Variants in TOP1 observed in about 807,000 individuals in gnomAD.
TOP1 encodes the protein DNA topoisomerase I, also known as DNA topoisomerase 1.
In TOP1, 10 loss-of-function variants were observed where a neutral mutation model predicts 111.1. The observed-to-expected ratio is 0.09, with a 90% CI of 0.06 to 0.15. The LOEUF (loss-of-function observed/expected upper bound fraction) is 0.15. TOP1 is among the 10% of genes least tolerant of loss of function. The pLI, the probability that TOP1 is intolerant of heterozygous loss-of-function variation, is 1.00. For missense variants in TOP1, 474 were observed against 926.7 expected (o/e 0.51, Z 6.34); for synonymous variants, 271 against 302.9 (o/e 0.89, Z 1.10).
Position 41,097,876 on chromosome 20 carries a change from T to C in TOP1, c.853-339T>C, listed in dbSNP as rs866652205. On this transcript the variant is annotated intron_variant, in intron 10 of 20. Coordinates refer to ENST00000361337, the MANE Select transcript of TOP1 (RefSeq NM_003286.4). The surrounding 1 kb of genome is among the most constrained non-coding windows in gnomAD (Gnocchi z 4.2). ...AAGCAGACTTAATAAATGAATAGAA[T>C]AGGGGTAATGTTTCCAAGAGAGAAT... 6.6e-6 allele frequency among the ~76,000 whole-genome samples: 1 copy of C among 152,166 alleles called. No individual in the cohort carries two copies. Among genetic ancestry groups the C allele is most frequent in the African/African-American group, 2.4e-5 (1 of 41,444 alleles).
At chr20:41,093,994 A>G (rs1474456199) in intron 9 of TOP1, among the ~76,000 whole-genome samples, 1 of 152,210 alleles carries the variant, frequency 6.6e-6, no homozygotes, top group East Asian at 1.9e-4. Flanking sequence ...CAGAGATTGC[A>G]GTGAGCCTAG....
Position 41,029,045 on chromosome 20 carries a change from C to A in TOP1, c.-23C>A. The A allele has an allele frequency of 6.5e-7, 1 of 1,546,312 alleles. No homozygotes were observed. Among genetic ancestry groups the A allele is most frequent in the African/African-American group, 1.4e-5 (1 of 71,202 alleles). On this transcript the variant is annotated 5_prime_UTR_variant, in exon 1 of 21. Coordinates refer to ENST00000361337, the MANE Select transcript of TOP1 (RefSeq NM_003286.4). The surrounding 1 kb of genome is among the most constrained non-coding windows in gnomAD (Gnocchi z 6.1). ...TCCCCCACGCCGCCTCGCCTGCCGC[C>A]GCGCTCGTCCCTCCGGGCCGACATG...
At chr20:41,043,486 T>G (rs2033293225) in intron 2 of TOP1, among the ~76,000 whole-genome samples, 1 of 152,204 alleles carries the variant, frequency 6.6e-6, no homozygotes, top group Admixed American at 6.5e-5. Flanking sequence ...TATATGCCAC[T>G]TCAGTAGGAG....
chr20:41,071,391 C>T lies in TOP1; in HGVS notation c.156-4780C>T, dbSNP rs117134390. Among the ~76,000 whole-genome samples the T allele has an allele frequency of 6.1e-3, 922 of 151,804 alleles. 7 individuals carry two copies. The highest frequency in any genetic ancestry group is 0.019 in the South Asian group (90 of 4,802). ...GATGGAGCCTCAGTCTATCGCCAGGCTGGAGTGCAGTGGCGTGATCTCGGC... is the reference window on the plus strand; with the variant it reads ...GATGGAGCCTCAGTCTATCGCCAGGTTGGAGTGCAGTGGCGTGATCTCGGC... On this transcript the variant is annotated intron_variant, in intron 3 of 20. Coordinates refer to ENST00000361337, the MANE Select transcript of TOP1 (RefSeq NM_003286.4). This position sits in a 1 kb window ranked among gnomAD's most constrained non-coding sequence, Gnocchi z 4.3.
chr20:41,123,354 A>C lies in TOP1; in HGVS notation c.*57A>C. ...GAACAGTGTGGTTTGGGAAAGATGG[A>C]TAAACTGAGCCTCACTTGCCCTCGT... On this transcript the variant is annotated 3_prime_UTR_variant, in exon 21 of 21. Transcript: ENST00000361337. The surrounding 1 kb of genome is among the most constrained non-coding windows in gnomAD (Gnocchi z 5.8). 1 of 1,335,602 alleles carries C rather than the reference A, an allele frequency of 7.5e-7. No individual in the cohort carries two copies. The highest frequency in any genetic ancestry group is 1.1e-6 in the Non-Finnish European group (1 of 932,750). 82.7% of individuals were successfully genotyped at this position (1,335,602 alleles called of 1,614,324 possible).
chr20:41,100,348 T>C lies in TOP1; in HGVS notation c.1163+105T>C, dbSNP rs73121296. 0.049 allele frequency: 46,012 copies of C among 931,090 alleles called. 1,507 individuals carry two copies. The highest frequency in any genetic ancestry group is 0.06 in the South Asian group (3,432 of 56,730). The allele number at this position is 931,090 out of a possible 1,614,324, so 57.7% of individuals were successfully genotyped here. Reference sequence around the variant, plus strand: ...ACACAGGACTGTTTGGGAAGGGAGATACTTAAGAGCAGGACAGTATTTCAT... The same window carrying C: ...ACACAGGACTGTTTGGGAAGGGAGACACTTAAGAGCAGGACAGTATTTCAT... On this transcript the variant is annotated intron_variant, in intron 12 of 20. Transcript: ENST00000361337. The surrounding 1 kb of genome is among the most constrained non-coding windows in gnomAD (Gnocchi z 4.4).
chr20:41,074,599 T>A (rs1488633233), intron 3 of TOP1, among the ~76,000 whole-genome samples: 2 of 152,196 alleles, frequency 1.3e-5, no homozygotes, highest in Non-Finnish European at 2.9e-5. Flanking sequence ...ATCACTCAAG[T>A]ACCTATCTCA....
chr20:41,117,573 A>T (rs2034353176), intron 17 of TOP1, among the ~76,000 whole-genome samples: 1 of 151,440 alleles, frequency 6.6e-6, no homozygotes. Context: ...TTTTTAGTAG[A>T]GACAGGGTTC....
At chr20:41,053,798 G>A (rs537127210) in intron 2 of TOP1, among the ~76,000 whole-genome samples, 1 of 152,058 alleles carries the variant, frequency 6.6e-6, no homozygotes, top group Non-Finnish European at 1.5e-5. Flanking sequence ...TTGTTTCCCT[G>A]TCACTTATTA....
chr20:41,048,514 A>G (rs1268907651), intron 2 of TOP1, among the ~76,000 whole-genome samples: 1 of 152,270 alleles, frequency 6.6e-6, no homozygotes, highest in Non-Finnish European at 1.5e-5. Flanking sequence ...TTTATAGATC[A>G]GAAAACTGAG....
rs1294681250 is a variant in TOP1 at position 41,110,542 on chromosome 20, T to C, written c.1309-2240T>C. Among the ~76,000 whole-genome samples the C allele has an allele frequency of 5.9e-5, 9 of 152,212 alleles. No individual in the cohort carries two copies. The highest frequency in any genetic ancestry group is 1.0e-4 in the Non-Finnish European group (7 of 68,038). Reference sequence around the variant, plus strand: ...TGCCTTCTCACCCCCAACTTTGTAATCTTGAATCCAGATCCTGATTCCACC... The same window carrying C: ...TGCCTTCTCACCCCCAACTTTGTAACCTTGAATCCAGATCCTGATTCCACC... On this transcript the variant is annotated intron_variant, in intron 13 of 20. Transcript: ENST00000361337. This position sits in a 1 kb window ranked among gnomAD's most constrained non-coding sequence, Gnocchi z 4.2.
At chr20:41,084,729 T>C (rs577228551) in intron 8 of TOP1, among the ~76,000 whole-genome samples, 161 bp downstream of exon 8, 1 of 152,298 alleles carries the variant, frequency 6.6e-6, no homozygotes, top group East Asian at 1.9e-4. Context: ...CAACTTCTAG[T>C]GAAATCATTA....
At chr20:41,074,110 T>C (rs1319885296) in intron 3 of TOP1, among the ~76,000 whole-genome samples, 1 of 152,210 alleles carries the variant, frequency 6.6e-6, no homozygotes, top group African/African-American at 2.4e-5. Flanking sequence ...GCAACCTTGC[T>C]CTTTGACCAT....
At chr20:41,041,423 A>G (rs1236856764) in intron 2 of TOP1, among the ~76,000 whole-genome samples, 1 of 140,342 alleles carries the variant, frequency 7.1e-6, no homozygotes, top group Non-Finnish European at 1.5e-5. Flanking sequence ...GTGCCCCAGA[A>G]CGAGACCCTG....
intron 8 of TOP1, among the ~76,000 whole-genome samples, chr20:41,089,142 A>G (rs571743059): frequency 6.7e-6 from 1 of 149,652 alleles, no homozygotes; most frequent in East Asian, 2.0e-4. Flanking sequence ...CTCCTGCCTC[A>G]GCCTCCCAAG....
At chr20:41,099,912 A>G (rs1226729965) in intron 11 of TOP1, 144 bp from the exon 12 acceptor site, 1 of 558,704 alleles carries the variant, frequency 1.8e-6, no homozygotes, top group Non-Finnish European at 3.0e-6. Context: ...GAAAACCACT[A>G]GAGGTTTTCC....
At chr20:41,090,130 C>T (rs950968156) in intron 8 of TOP1, among the ~76,000 whole-genome samples, 5 of 151,958 alleles carry the variant, frequency 3.3e-5, no homozygotes, top group Non-Finnish European at 5.9e-5. Context: ...TGCACCACCA[C>T]GCCTGGCTAA....
rs1229458292 is a variant in TOP1, at chr20:41,094,079, T to C, written c.730+1492T>C. Among the ~76,000 whole-genome samples, 1 of 151,976 alleles carries C rather than the reference T, an allele frequency of 6.6e-6. No individual in the cohort carries two copies. The highest frequency in any genetic ancestry group is 2.4e-5 in the African/African-American group (1 of 41,348). The stretch of plus-strand genomic sequence containing the variant: ...AAAAATAAAATAATAAATAAATAAA[T>C]AAAACATATTTATTGAATGTATTTG... On this transcript the variant is annotated intron_variant, in intron 9 of 20. Coordinates refer to ENST00000361337, the MANE Select transcript of TOP1 (RefSeq NM_003286.4). The surrounding 1 kb of genome is among the most constrained non-coding windows in gnomAD (Gnocchi z 4.4).
In TOP1 at chr20:41,110,702, G is replaced by A. The variant is rs888895599; in HGVS notation, c.1309-2080G>A. Among the ~76,000 whole-genome samples the A allele has an allele frequency of 1.6e-4, 25 of 152,238 alleles. No individual in the cohort carries two copies. The highest frequency in any genetic ancestry group is 5.8e-4 in the African/African-American group (24 of 41,462). On this transcript the variant is annotated intron_variant, in intron 13 of 20. Coordinates refer to ENST00000361337, the MANE Select transcript of TOP1 (RefSeq NM_003286.4). This position sits in a 1 kb window ranked among gnomAD's most constrained non-coding sequence, Gnocchi z 4.2. ...TTTTACCCATTACTGAAGTGTGATT[G>A]AATTAGGGAAAGAGGAGAGGTGGTC...
Sources: allele counts gnomAD v4.1 joint callset (sites outside exome capture counted in the v4.1 genomes callset), GRCh38; gene constraint gnomAD v4.1.1; non-coding constraint Gnocchi (gnomAD v3.1); transcripts MANE v1.5; gene names NCBI Gene and HGNC (gene_info 2026-07-23, HGNC 2026-07-21).